LRBA: variants seen among roughly 807,000 people sequenced by gnomAD.
The protein encoded by LRBA is LPS responsive beige-like anchor protein, also known as lipopolysaccharide-responsive and beige-like anchor protein.
In LRBA, 176 loss-of-function variants were observed where a neutral mutation model predicts 330.0. The ratio of observed to expected loss-of-function variants is 0.53; its 90% CI spans 0.47 to 0.60. The LOEUF is 0.60. Ranked by LOEUF, LRBA falls within the 20% of genes least tolerant of loss-of-function variation. The pLI, the probability that LRBA is intolerant of heterozygous loss-of-function variation, is 0.00. For missense variants in LRBA, 3,259 were observed against 3,444.8 expected (o/e 0.95, Z 1.35); for synonymous variants, 1,230 against 1,193.0 (o/e 1.03, Z -0.64).
intron 34 of LRBA, among the ~76,000 whole-genome samples, chr4:150,779,839 T>C (rs1411133555): frequency 7.9e-5 from 12 of 152,156 alleles, no homozygotes; most frequent in Non-Finnish European, 4.4e-5. Context: ...AAAACAAGTA[T>C]GTTACACCAG....
chr4:150,762,514 T>C (rs2126476113), intron 34 of LRBA, among the ~76,000 whole-genome samples: 1 of 151,966 alleles, frequency 6.6e-6, no homozygotes, highest in South Asian at 2.1e-4. Flanking sequence ...AATGAATATT[T>C]TAATCCTTAA....
chr4:150,428,593 A>G (rs1192130942), intron 46 of LRBA, among the ~76,000 whole-genome samples: 1 of 152,054 alleles, frequency 6.6e-6, no homozygotes, highest in East Asian at 1.9e-4. Context: ...AGGCTCTTTC[A>G]CTAACTCTTA....
intron 34 of LRBA, among the ~76,000 whole-genome samples, chr4:150,763,730 C>G (rs1357770223): frequency 1.3e-5 from 2 of 151,530 alleles, no homozygotes; most frequent in Admixed American, 6.6e-5. Context: ...AGATAAGACT[C>G]AAAGACTTAC....
chr4:150,881,656 C>T (rs946515551), intron 17 of LRBA, among the ~76,000 whole-genome samples: 1 of 152,080 alleles, frequency 6.6e-6, no homozygotes, highest in Admixed American at 6.6e-5. Flanking sequence ...CATGTACCCC[C>T]TGAATCTAAG....
At chr4:150,529,433 T>C (rs962200763) in intron 40 of LRBA, among the ~76,000 whole-genome samples, 5 of 152,090 alleles carry the variant, frequency 3.3e-5, no homozygotes, top group Non-Finnish European at 2.9e-5. Context: ...AAAGCAATAA[T>C]CTGGCCAGGT....
chr4:150,439,654 C>T (rs1751564029), intron 44 of LRBA, among the ~76,000 whole-genome samples: 2 of 152,154 alleles, frequency 1.3e-5, no homozygotes, highest in South Asian at 2.1e-4. Context: ...TTAAAAGATT[C>T]TGCTTTGCTG....
chr4:150,540,589 A>G (rs1189531691), intron 40 of LRBA, among the ~76,000 whole-genome samples: 59 of 152,262 alleles, frequency 3.9e-4, no homozygotes, highest in Admixed American at 3.9e-3. Context: ...AAGTAACTCA[A>G]CAAAAAGCAA....
chr4:150,518,563 T>C (rs923806381), intron 40 of LRBA, among the ~76,000 whole-genome samples: 18 of 152,166 alleles, frequency 1.2e-4, no homozygotes, highest in African/African-American at 4.1e-4. Flanking sequence ...CTTTAACGTT[T>C]GCAAAATTCT....
At chr4:150,757,872 G>C (rs1041264037) in intron 35 of LRBA, among the ~76,000 whole-genome samples, 2 of 152,114 alleles carry the variant, frequency 1.3e-5, no homozygotes, top group African/African-American at 4.8e-5. Context: ...TAAAGGCTGA[G>C]TGTTCTCTAT....
chr4:150,625,235 C>A (rs1258619677), intron 37 of LRBA, among the ~76,000 whole-genome samples: 1 of 152,118 alleles, frequency 6.6e-6, no homozygotes, highest in Non-Finnish European at 1.5e-5. Flanking sequence ...CTTGATCCCC[C>A]ACAATCACCT....
At chr4:150,543,628 T>C (rs765017346) in intron 40 of LRBA, among the ~76,000 whole-genome samples, 8 of 152,144 alleles carry the variant, frequency 5.3e-5, no homozygotes, top group Non-Finnish European at 1.0e-4. Context: ...ATATTTGCAA[T>C]TGGATCAATC....
intron 37 of LRBA, among the ~76,000 whole-genome samples, chr4:150,619,673 T>A (rs1440547012): frequency 1.3e-5 from 2 of 152,134 alleles, no homozygotes; most frequent in Non-Finnish European, 1.5e-5. Context: ...TAGTTGAACA[T>A]CCATCATACC....
intron 26 of LRBA, among the ~76,000 whole-genome samples, chr4:150,848,442 G>A (rs1303467499): frequency 1.3e-5 from 2 of 151,672 alleles, no homozygotes; most frequent in Admixed American, 6.6e-5. Context: ...AGCAAAAAGA[G>A]ATAGGGGAGC....
At chr4:150,923,467 G>T (rs1399712939) in intron 4 of LRBA, among the ~76,000 whole-genome samples, 3 of 152,072 alleles carry the variant, frequency 2.0e-5, no homozygotes, top group Admixed American at 6.5e-5. Flanking sequence ...CTTCCTCAGG[G>T]TAGCCTTCCT....
At chr4:150,302,093 T>C (rs998340966) in intron 53 of LRBA, among the ~76,000 whole-genome samples, 2 of 152,332 alleles carry the variant, frequency 1.3e-5, no homozygotes, top group East Asian at 3.9e-4. Context: ...TTCAGCATAG[T>C]TTCATAAAGA....
chr4:151,013,472 G>A (rs2149680104), intron 2 of LRBA: 1 of 152,292 alleles, frequency 6.6e-6, no homozygotes, highest in African/African-American at 2.4e-5. Flanking sequence ...TTCAAAACTA[G>A]CCTAGGCAAC....
intron 52 of LRBA, among the ~76,000 whole-genome samples, chr4:150,303,262 T>C (rs1729904695): frequency 6.6e-6 from 1 of 152,236 alleles, no homozygotes; most frequent in South Asian, 2.1e-4. Context: ...ATTTAATGTA[T>C]TTCTTGTTTT....
chr4:150,877,660 T>G (rs1472848135), intron 17 of LRBA, among the ~76,000 whole-genome samples: 1 of 152,136 alleles, frequency 6.6e-6, no homozygotes, highest in Non-Finnish European at 1.5e-5. Flanking sequence ...TGGACATAAA[T>G]TCAACACTTG....
At chr4:150,764,486 C>T (rs1405630547) in intron 34 of LRBA, among the ~76,000 whole-genome samples, 12 of 151,912 alleles carry the variant, frequency 7.9e-5, no homozygotes, top group Admixed American at 6.6e-5. Flanking sequence ...AACCACTTTC[C>T]TATGTATCAG....
Sources: gnomAD v4.1 joint callset for allele counts (sites outside exome capture counted in the v4.1 genomes callset) on GRCh38, gnomAD v4.1.1 for gene constraint, MANE v1.5 for transcripts, NCBI Gene and HGNC (gene_info 2026-07-23, HGNC 2026-07-21) for gene names.